Variants in NKAIN3 observed in about 807,000 individuals in gnomAD.
The protein encoded by NKAIN3 is sodium/potassium-transporting ATPase subunit beta-1-interacting protein 3.
Under a neutral mutation model 30.2 loss-of-function variants are expected in NKAIN3, and 25 were observed. That is an observed-to-expected ratio of 0.83 (90% CI 0.60 to 1.16). The LOEUF is 1.16. Ranked by LOEUF, NKAIN3 falls within the 50% of genes most tolerant of loss-of-function variation. The pLI is 0.00. For synonymous variants in NKAIN3, 91 were observed against 89.6 expected (o/e 1.02, Z -0.09); for missense variants, 225 against 254.1 (o/e 0.89, Z 0.78).
intron 4 of NKAIN3, among the ~76,000 whole-genome samples, chr8:62,752,834 A>G (rs1171212622): frequency 6.6e-6 from 1 of 152,154 alleles, no homozygotes; most frequent in African/African-American, 2.4e-5. Flanking sequence ...AAGTAATTTA[A>G]TGAGGCTATG....
At chr8:62,717,023 A>G (rs1814925513) in intron 3 of NKAIN3, among the ~76,000 whole-genome samples, 1 of 152,232 alleles carries the variant, frequency 6.6e-6, no homozygotes, top group African/African-American at 2.4e-5. Flanking sequence ...AAGCAGCTAC[A>G]TCAATGACTG....
At chr8:62,488,322 T>C (rs1249501034) in intron 1 of NKAIN3, among the ~76,000 whole-genome samples, 3 of 152,158 alleles carry the variant, frequency 2.0e-5, no homozygotes, top group Non-Finnish European at 4.4e-5. Context: ...TTGAAGGCAT[T>C]CCTTCTTTCC....
intron 1 of NKAIN3, among the ~76,000 whole-genome samples, chr8:62,418,743 G>T (rs1158749056): frequency 6.6e-6 from 1 of 152,094 alleles, no homozygotes; most frequent in African/African-American, 2.4e-5. Context: ...CTGTCGCTTT[G>T]AATCCCTTGA....
intron 4 of NKAIN3, among the ~76,000 whole-genome samples, chr8:62,750,273 T>A (rs749419320): frequency 6.6e-6 from 1 of 151,502 alleles, no homozygotes; most frequent in Non-Finnish European, 1.5e-5. Context: ...GGGGAGCGAC[T>A]CTCCACCGAA....
At chr8:62,799,405 A>C (rs1214412619) in intron 4 of NKAIN3, among the ~76,000 whole-genome samples, 1 of 152,252 alleles carries the variant, frequency 6.6e-6, no homozygotes, top group Non-Finnish European at 1.5e-5. Flanking sequence ...GATCATTCTC[A>C]AAAGAAGATA....
intron 1 of NKAIN3, among the ~76,000 whole-genome samples, chr8:62,342,896 T>C (rs1439137472): frequency 1.3e-5 from 2 of 151,990 alleles, no homozygotes; most frequent in African/African-American, 2.4e-5. Context: ...AAGCACACTT[T>C]AATATAACTA....
chr8:62,641,081 C>T (rs78082964), intron 3 of NKAIN3, among the ~76,000 whole-genome samples: 121 of 151,864 alleles, frequency 8.0e-4, no homozygotes, highest in Non-Finnish European at 1.3e-3. Context: ...TATCTTAGAG[C>T]TTATTAGAAA....
chr8:62,923,709 G>A (rs981944722), intron 5 of NKAIN3, among the ~76,000 whole-genome samples: 3 of 152,122 alleles, frequency 2.0e-5, no homozygotes, highest in African/African-American at 2.4e-5. Context: ...TTTAGGAGTC[G>A]ACTCATCTGC....
At chr8:62,942,505 T>C (rs1822996244) in intron 5 of NKAIN3, among the ~76,000 whole-genome samples, 2 of 149,050 alleles carry the variant, frequency 1.3e-5, no homozygotes, top group Admixed American at 1.3e-4. Context: ...TCATCATTCT[T>C]CACAGAACTA....
intron 1 of NKAIN3, among the ~76,000 whole-genome samples, chr8:62,260,118 C>A (rs114074849): frequency 0.014 from 2,197 of 151,746 alleles, 49 homozygotes; most frequent in African/African-American, 0.048. Context: ...GATATGAGCT[C>A]AACAGGGGTG....
intron 4 of NKAIN3, among the ~76,000 whole-genome samples, chr8:62,807,913 G>T (rs1818355578): frequency 6.6e-6 from 1 of 151,092 alleles, no homozygotes. Context: ...GTTAAAAATA[G>T]GCTATATGTT....
intron 1 of NKAIN3, among the ~76,000 whole-genome samples, chr8:62,364,783 C>T (rs920376233): frequency 1.6e-5 from 2 of 124,822 alleles, no homozygotes; most frequent in South Asian, 5.5e-4. Flanking sequence ...GCTTGCAGAT[C>T]GCGCTACTGC....
chr8:62,452,102 G>C (rs1805658539), intron 1 of NKAIN3, among the ~76,000 whole-genome samples: 1 of 152,168 alleles, frequency 6.6e-6, no homozygotes. Context: ...CTCAAATCCA[G>C]TGTTGTGGAC....
intron 4 of NKAIN3, among the ~76,000 whole-genome samples, chr8:62,822,150 C>A (rs1421227365): frequency 6.6e-6 from 1 of 152,006 alleles, no homozygotes; most frequent in Non-Finnish European, 1.5e-5. Flanking sequence ...GAGCATATTG[C>A]CAAAAGGAAA....
At chr8:62,873,909 G>A (rs1014310168) in intron 4 of NKAIN3, among the ~76,000 whole-genome samples, 7 of 151,612 alleles carry the variant, frequency 4.6e-5, no homozygotes, top group South Asian at 2.1e-4. Context: ...ACACCTAGAC[G>A]TCACAATTAA....
rs1428016581 is a variant in NKAIN3 at position 62,978,441 on chromosome 8, C to T, written c.*13034C>T. 1 of 152,384 alleles carries T rather than the reference C, an allele frequency of 6.6e-6. No homozygotes were observed. The highest frequency in any genetic ancestry group is 2.4e-5 in the African/African-American group (1 of 41,474). 9.4% of individuals were successfully genotyped at this position (152,384 alleles called of 1,614,324 possible). A position where few individuals can be genotyped will look rare whatever the true frequency, so the allele number is the denominator to read the frequency against. ...GAGAGGAGGAATCTAGAGAGGCAGT[C>T]TGGCTTCAGTGGCTTTGCAGCGCTG... On this transcript the variant is annotated 3_prime_UTR_variant, in exon 7 of 7. Transcript: ENST00000623646.
chr8:62,555,158 A>T (rs1011002078), intron 1 of NKAIN3, among the ~76,000 whole-genome samples: 1 of 123,296 alleles, frequency 8.1e-6, no homozygotes, highest in Non-Finnish European at 2.0e-5. Context: ...TACCTTAAAT[A>T]TATGCAATAT....
At chr8:62,299,126 C>T (rs1342117441) in intron 1 of NKAIN3, among the ~76,000 whole-genome samples, 1 of 151,872 alleles carries the variant, frequency 6.6e-6, no homozygotes, top group East Asian at 1.9e-4. Flanking sequence ...TGAAGCTAAC[C>T]AACTTAAAGT....
chr8:62,315,651 T>G (rs1247287460), intron 1 of NKAIN3, among the ~76,000 whole-genome samples: 1 of 152,182 alleles, frequency 6.6e-6, no homozygotes, highest in Non-Finnish European at 1.5e-5. Context: ...TCTTTCTGCC[T>G]TAGAGGCTGG....
Sources: gnomAD v4.1 joint callset for allele counts (sites outside exome capture counted in the v4.1 genomes callset) on GRCh38, gnomAD v4.1.1 for gene constraint, MANE v1.5 for transcripts, NCBI Gene and HGNC (gene_info 2026-07-23, HGNC 2026-07-21) for gene names.